CELF4: variants seen among roughly 807,000 people sequenced by gnomAD.
The protein encoded by CELF4 is CUGBP Elav-like family member 4, also known as CUG-BP- and ETR-3-like factor 4.
A neutral mutation model predicts 59.9 loss-of-function variants in CELF4; 18 were observed. The observed-to-expected ratio is 0.30, with a 90% confidence interval of 0.21 to 0.45. CELF4 has a LOEUF of 0.45. CELF4 is among the 20% of genes least tolerant of loss of function. The pLI is 1.00. For synonymous variants in CELF4, 261 were observed against 267.1 expected (o/e 0.98, Z 0.22); for missense variants, 456 against 689.0 (o/e 0.66, Z 3.79).
chr18:37,495,706 G>A (rs1458230403), intron 1 of CELF4, among the ~76,000 whole-genome samples: 1 of 152,094 alleles, frequency 6.6e-6, no homozygotes, highest in Non-Finnish European at 1.5e-5. Context: ...CAGAGGGAGT[G>A]CCTTCCCCAT....
intron 2 of CELF4, among the ~76,000 whole-genome samples, chr18:37,411,186 G>T (rs1182150135): frequency 3.3e-5 from 5 of 152,178 alleles, no homozygotes; most frequent in Non-Finnish European, 7.3e-5. Flanking sequence ...AAACTCCTGA[G>T]CTCAAGTGAT....
intron 3 of CELF4, among the ~76,000 whole-genome samples, chr18:37,303,940 A>C (rs1352580943): frequency 6.6e-6 from 1 of 152,192 alleles, no homozygotes; most frequent in African/African-American, 2.4e-5. Flanking sequence ...TCATAGGAGA[A>C]GGCTTCCCTG....
chr18:37,308,862 C>G (rs1489284319), intron 3 of CELF4, among the ~76,000 whole-genome samples: 1 of 152,180 alleles, frequency 6.6e-6, no homozygotes, highest in African/African-American at 2.4e-5. Context: ...CAGGTTGGTT[C>G]TCAACCTGGG....
At chr18:37,271,181 G>T (rs1331286978) in intron 7 of CELF4, among the ~76,000 whole-genome samples, 3 of 151,652 alleles carry the variant, frequency 2.0e-5, no homozygotes, top group Non-Finnish European at 2.9e-5. Context: ...TGACCCTGAT[G>T]GCTTGTCCTT....
intron 2 of CELF4, among the ~76,000 whole-genome samples, chr18:37,452,578 A>G (rs1263679369): frequency 1.3e-5 from 2 of 152,030 alleles, no homozygotes; most frequent in Non-Finnish European, 2.9e-5. Flanking sequence ...CTGGGAAAGG[A>G]TTTCTGCTTG....
intron 1 of CELF4, among the ~76,000 whole-genome samples, chr18:37,493,865 C>G (rs532733330): frequency 6.6e-6 from 1 of 152,280 alleles, no homozygotes; most frequent in Non-Finnish European, 1.5e-5. Context: ...GAACATGGCC[C>G]ATTCTAGAGT....
intron 2 of CELF4, among the ~76,000 whole-genome samples, chr18:37,442,336 G>A (rs1017988426): frequency 1.3e-5 from 2 of 152,144 alleles, no homozygotes; most frequent in Non-Finnish European, 2.9e-5. Flanking sequence ...CACTCAATAC[G>A]CACCAAACTC....
At chr18:37,249,332 C>T (rs888129105) in intron 12 of CELF4, among the ~76,000 whole-genome samples, 3 of 152,150 alleles carry the variant, frequency 2.0e-5, no homozygotes, top group African/African-American at 7.2e-5. Context: ...TCAGGGACTC[C>T]CTGGGACTCT....
At chr18:37,508,278 G>A (rs2099940440) in intron 1 of CELF4, among the ~76,000 whole-genome samples, 1 of 152,248 alleles carries the variant, frequency 6.6e-6, no homozygotes, top group Admixed American at 6.5e-5. Flanking sequence ...TAGCAAGGCA[G>A]TGGCATGTCT....
intron 10 of CELF4, among the ~76,000 whole-genome samples, chr18:37,262,408 G>A (rs537182077): frequency 2.0e-5 from 3 of 152,108 alleles, no homozygotes; most frequent in Non-Finnish European, 4.4e-5. Flanking sequence ...GTGGGGGAGG[G>A]GGGGGCAGGA....
intron 2 of CELF4, among the ~76,000 whole-genome samples, chr18:37,459,201 C>A (rs568913035): frequency 6.6e-6 from 1 of 152,140 alleles, no homozygotes. Flanking sequence ...TGTTTTCTTG[C>A]GCTCATAGGT....
At chr18:37,455,002 G>A (rs747123622) in intron 2 of CELF4, among the ~76,000 whole-genome samples, 3 of 152,196 alleles carry the variant, frequency 2.0e-5, no homozygotes, top group African/African-American at 7.2e-5. Flanking sequence ...TCCCTAGTGA[G>A]AGCCTTCTCC....
chr18:37,547,594 A>G (rs758597850), intron 1 of CELF4, among the ~76,000 whole-genome samples: 10 of 152,224 alleles, frequency 6.6e-5, no homozygotes, highest in African/African-American at 2.4e-4. Context: ...GGGTTGACGC[A>G]GAAGGGAGAT....
At chr18:37,272,882 G>A in intron 7 of CELF4, 134 bp downstream of exon 7, 1 of 844,758 alleles carries the variant, frequency 1.2e-6, no homozygotes, top group African/African-American at 1.7e-5. Flanking sequence ...ACTGCCAGAA[G>A]GCAAGTCCTC....
intron 2 of CELF4, among the ~76,000 whole-genome samples, chr18:37,353,825 C>T (rs2098512776): frequency 6.8e-6 from 1 of 146,168 alleles, no homozygotes; most frequent in Non-Finnish European, 1.5e-5. Context: ...GGCGTGATCT[C>T]GGCTCACTGC....
chr18:37,362,530 C>A (rs1326522146), intron 2 of CELF4, among the ~76,000 whole-genome samples: 1 of 152,070 alleles, frequency 6.6e-6, no homozygotes. Context: ...GGTCAGAGAG[C>A]ACAGTGCAGA....
At chr18:37,484,887 C>T (rs996309466) in intron 2 of CELF4, among the ~76,000 whole-genome samples, 1 of 152,268 alleles carries the variant, frequency 6.6e-6, no homozygotes. Flanking sequence ...AGCCGTATAT[C>T]TCTCCCCCCT....
chr18:37,450,592 C>T (rs958483948), intron 2 of CELF4, among the ~76,000 whole-genome samples: 3 of 152,134 alleles, frequency 2.0e-5, no homozygotes, highest in East Asian at 3.9e-4. Context: ...ATTGCACCCC[C>T]GTTGCCATGG....
chr18:37,374,969 G>A (rs2098949530), intron 2 of CELF4, among the ~76,000 whole-genome samples: 1 of 152,216 alleles, frequency 6.6e-6, no homozygotes, highest in African/African-American at 2.4e-5. Flanking sequence ...GTGCATGAGT[G>A]TGTTTCTGTC....
Sources: gnomAD v4.1 joint callset for allele counts (sites outside exome capture counted in the v4.1 genomes callset) on GRCh38, gnomAD v4.1.1 for gene constraint, MANE v1.5 for transcripts, NCBI Gene and HGNC (gene_info 2026-07-23, HGNC 2026-07-21) for gene names.